The following CTIF variants were observed in gnomAD, a reference collection of about 807,000 sequenced individuals.
The protein encoded by CTIF is CBP80/20-dependent translation initiation factor.
A neutral mutation model predicts 66.0 loss-of-function variants in CTIF; 21 were observed. That is an observed-to-expected ratio of 0.32 (90% CI 0.23 to 0.46). The LOEUF (loss-of-function observed/expected upper bound fraction) is 0.46, where lower values mean the gene tolerates loss of function less well. CTIF is among the 20% of genes least tolerant of loss of function. The probability of loss-of-function intolerance (pLI) is 1.00; values close to 1 mark genes in which losing one functional copy is unlikely to be tolerated. For missense variants in CTIF, 739 were observed against 812.7 expected (o/e 0.91, Z 1.10); for synonymous variants, 345 against 326.4 (o/e 1.06, Z -0.62).
chr18:48,549,724 G>T (rs1166326992), intron 1 of CTIF, among the ~76,000 whole-genome samples: 2 of 152,172 alleles, frequency 1.3e-5, no homozygotes, highest in Non-Finnish European at 2.9e-5. Flanking sequence ...ATTCTATCAA[G>T]GCTCCTTGAA....
rs1448171777 is a variant in CTIF, at chr18:48,730,415, T to TGA, written c.584+18721_584+18722insAG. ...CTGTGTGAGGGGCTTCCACGGTGTG[T>TGA]GGGGCCCCTGCGCTGTGAGGGGCCC... is the stretch of plus-strand genomic sequence containing the variant. On this transcript the variant is annotated intron_variant, in intron 7 of 11. Coordinates refer to ENST00000256413, the MANE Select transcript of CTIF (RefSeq NM_014772.3). Among the ~76,000 whole-genome samples, 3 of 40,016 alleles carry TGA rather than the reference T, an allele frequency of 7.5e-5. No individual in the cohort carries two copies. In the South Asian group the frequency reaches 2.5e-3, roughly 34 times the overall value. 26.3% of individuals were successfully genotyped at this position (40,016 alleles called of 152,430 possible).
chr18:48,627,166 G>A (rs1442782142), intron 2 of CTIF, among the ~76,000 whole-genome samples: 3 of 152,150 alleles, frequency 2.0e-5, no homozygotes, highest in Non-Finnish European at 2.9e-5. Flanking sequence ...GACATTGTTT[G>A]GTGGTGGTTT....
intron 9 of CTIF, among the ~76,000 whole-genome samples, chr18:48,785,241 G>A (rs575109509): frequency 6.6e-6 from 1 of 152,222 alleles, no homozygotes; most frequent in Admixed American, 6.5e-5. Context: ...AGGAACCACA[G>A]TCTATTGACG....
intron 9 of CTIF, among the ~76,000 whole-genome samples, chr18:48,799,700 CCT>C (rs1484196973): frequency 6.6e-6 from 1 of 152,180 alleles, no homozygotes; most frequent in Non-Finnish European, 1.5e-5. Flanking sequence ...CAGAAGCCCA[CCT>C]CTCTCTGTGC....
chr18:48,754,979 T>C (rs1357332321), intron 7 of CTIF, among the ~76,000 whole-genome samples: 3 of 152,140 alleles, frequency 2.0e-5, no homozygotes, highest in African/African-American at 7.2e-5. Flanking sequence ...AGTTGTTTTC[T>C]TTTCTGGGGG....
intron 7 of CTIF, among the ~76,000 whole-genome samples, chr18:48,735,279 C>G (rs1310588201): frequency 6.6e-6 from 1 of 152,152 alleles, no homozygotes; most frequent in Admixed American, 6.6e-5. Flanking sequence ...AGTGACTGAG[C>G]AGAGACAAAG....
At chr18:48,802,816 T>G (rs957538864) in intron 9 of CTIF, among the ~76,000 whole-genome samples, 1 of 152,222 alleles carries the variant, frequency 6.6e-6, no homozygotes, top group African/African-American at 2.4e-5. Flanking sequence ...ACGTCCTCCC[T>G]GAGGCTGAGT....
At chr18:48,646,273 C>T (rs375923658) in intron 3 of CTIF, among the ~76,000 whole-genome samples, 2 of 152,130 alleles carry the variant, frequency 1.3e-5, no homozygotes, top group African/African-American at 4.8e-5. Context: ...TCACTGAAGA[C>T]GTTTTTCCCT....
intron 1 of CTIF, among the ~76,000 whole-genome samples, chr18:48,545,974 G>C (rs778762884): frequency 1.3e-4 from 20 of 152,198 alleles, no homozygotes; most frequent in Non-Finnish European, 2.9e-4. Context: ...GTTTCAGCTG[G>C]AAGCATTAGA....
chr18:48,627,917 G>A (rs116497105), intron 2 of CTIF, among the ~76,000 whole-genome samples: 87 of 152,132 alleles, frequency 5.7e-4, no homozygotes, highest in African/African-American at 2.0e-3. Context: ...ACAGTCAAAC[G>A]GGATCCCTCT....
chr18:48,795,474 T>C (rs2067894579), intron 9 of CTIF, among the ~76,000 whole-genome samples: 1 of 152,240 alleles, frequency 6.6e-6, no homozygotes, highest in Non-Finnish European at 1.5e-5. Context: ...GAGTCCCAGA[T>C]AAAAGGAAGC....
intron 5 of CTIF, among the ~76,000 whole-genome samples, chr18:48,668,265 T>C (rs1373249308): frequency 6.6e-6 from 1 of 152,078 alleles, no homozygotes; most frequent in African/African-American, 2.4e-5. Context: ...TGCGAGAGAG[T>C]CCTGAGGTGT....
intron 6 of CTIF, among the ~76,000 whole-genome samples, chr18:48,687,569 C>G (rs952309422): frequency 6.6e-6 from 1 of 152,142 alleles, no homozygotes; most frequent in Non-Finnish European, 1.5e-5. Flanking sequence ...TGTATTTGCC[C>G]CTTCCTGGTG....
At chr18:48,607,020 G>A (rs1433223456) in intron 1 of CTIF, among the ~76,000 whole-genome samples, 2 of 148,766 alleles carry the variant, frequency 1.3e-5, no homozygotes, top group Admixed American at 6.7e-5. Flanking sequence ...AAACAAGTAT[G>A]ATATTAGAGG....
At chr18:48,651,802 A>T (rs1241938006) in intron 3 of CTIF, among the ~76,000 whole-genome samples, 1 of 152,254 alleles carries the variant, frequency 6.6e-6, no homozygotes, top group Non-Finnish European at 1.5e-5. Context: ...AGCACTCAGG[A>T]TTAAGAAACT....
intron 7 of CTIF, among the ~76,000 whole-genome samples, chr18:48,740,579 C>A (rs534021328): frequency 6.6e-6 from 1 of 152,368 alleles, no homozygotes; most frequent in East Asian, 1.9e-4. Flanking sequence ...TCAGTTTACT[C>A]TGGCAGTTTT....
intron 6 of CTIF, among the ~76,000 whole-genome samples, chr18:48,709,294 G>A (rs1321226180): frequency 6.6e-6 from 1 of 152,168 alleles, no homozygotes; most frequent in East Asian, 1.9e-4. Context: ...AGTTGTTCTG[G>A]GATGGATGGA....
chr18:48,661,453 A>G (rs2091344862), intron 3 of CTIF, among the ~76,000 whole-genome samples: 1 of 152,104 alleles, frequency 6.6e-6, no homozygotes, highest in South Asian at 2.1e-4. Flanking sequence ...TGATAATTAC[A>G]TTCGAGGCCC....
chr18:48,703,663 G>A (rs1375787650), intron 6 of CTIF, among the ~76,000 whole-genome samples: 1 of 152,198 alleles, frequency 6.6e-6, no homozygotes, highest in East Asian at 1.9e-4. Flanking sequence ...TGAAGGTTAA[G>A]TGGGCATTGG....
Sources: allele counts gnomAD v4.1 joint callset (sites outside exome capture counted in the v4.1 genomes callset), GRCh38; gene constraint gnomAD v4.1.1; transcripts MANE v1.5; gene names NCBI Gene and HGNC (gene_info 2026-07-23, HGNC 2026-07-21).